Variants in DIP2C observed in about 807,000 individuals in gnomAD.
The protein encoded by DIP2C is disco-interacting protein 2 homolog C.
In DIP2C, 33 loss-of-function variants were observed where a neutral mutation model predicts 192.4. The observed-to-expected ratio is 0.17, with a 90% CI of 0.13 to 0.23. The LOEUF is 0.23. DIP2C is among the 10% of genes least tolerant of loss of function. The pLI is 1.00. For synonymous variants in DIP2C, 979 were observed against 864.1 expected, an observed-to-expected ratio of 1.13 and a Z score of -2.33; for missense variants, 1,537 against 2,110.1, an observed-to-expected ratio of 0.73 and a Z score of 5.32.
intron 1 of DIP2C, among the ~76,000 whole-genome samples, chr10:612,637 C>T (rs1302924333): frequency 6.6e-6 from 1 of 152,150 alleles, no homozygotes; most frequent in East Asian, 1.9e-4. Context: ...GATGGGATCC[C>T]AGGTTCCAAA....
intron 36 of DIP2C, among the ~76,000 whole-genome samples, chr10:280,373 T>A (rs1954751635): frequency 6.6e-6 from 1 of 152,186 alleles, no homozygotes; most frequent in African/African-American, 2.4e-5. Context: ...TGAGACCAGT[T>A]TCACCAGGTG....
chr10:496,983 G>A (rs1053360813), intron 1 of DIP2C, among the ~76,000 whole-genome samples: 5 of 152,170 alleles, frequency 3.3e-5, no homozygotes, highest in African/African-American at 9.7e-5. Flanking sequence ...AGTTAGCCAG[G>A]TGTGGTGGCG....
At chr10:613,188 C>G (rs370043490) in intron 1 of DIP2C, among the ~76,000 whole-genome samples, 6 of 152,182 alleles carry the variant, frequency 3.9e-5, no homozygotes, top group East Asian at 3.8e-4. Context: ...TTTTAAAATT[C>G]AGATTTCTAA....
chr10:581,971 G>A (rs141912365), intron 1 of DIP2C, among the ~76,000 whole-genome samples: 274 of 152,166 alleles, frequency 1.8e-3, no homozygotes, highest in African/African-American at 6.2e-3. Flanking sequence ...CCTCAGGTCA[G>A]GCATTGGATC....
intron 29 of DIP2C, among the ~76,000 whole-genome samples, chr10:331,128 T>TA (rs1400385796): frequency 6.6e-6 from 1 of 152,156 alleles, no homozygotes; most frequent in Non-Finnish European, 1.5e-5. Context: ...CGCAAAATTT[T>TA]ATCAGTGAAA....
chr10:388,726 G>A (rs763399276), intron 13 of DIP2C, among the ~76,000 whole-genome samples: 2 of 152,210 alleles, frequency 1.3e-5, no homozygotes, highest in East Asian at 1.9e-4. Flanking sequence ...TTATGAGGAT[G>A]GGCAGATAAT....
intron 17 of DIP2C, among the ~76,000 whole-genome samples, chr10:373,787 C>A (rs555597444): frequency 1.3e-5 from 2 of 152,276 alleles, no homozygotes; most frequent in East Asian, 3.9e-4. Context: ...AGAATATGTT[C>A]CACATGCTTC....
chr10:428,001 G>C (rs1966704620), intron 4 of DIP2C, among the ~76,000 whole-genome samples: 1 of 152,176 alleles, frequency 6.6e-6, no homozygotes, highest in African/African-American at 2.4e-5. Flanking sequence ...ATAGAGGAAA[G>C]AATGAATAAC....
chr10:503,336 T>G (rs1845382719), intron 1 of DIP2C, among the ~76,000 whole-genome samples: 1 of 152,150 alleles, frequency 6.6e-6, no homozygotes, highest in Non-Finnish European at 1.5e-5. Context: ...ACGTTCCAAT[T>G]TAAAAACTGG....
chr10:577,059 G>A (rs1270450841), intron 1 of DIP2C, among the ~76,000 whole-genome samples: 3 of 152,050 alleles, frequency 2.0e-5, no homozygotes, highest in Non-Finnish European at 4.4e-5. Context: ...TTCTAACACT[G>A]CTCAGCATGT....
At chr10:549,910 A>G (rs1848497476) in intron 1 of DIP2C, among the ~76,000 whole-genome samples, 1 of 151,846 alleles carries the variant, frequency 6.6e-6, no homozygotes, top group Non-Finnish European at 1.5e-5. Flanking sequence ...CTAGGAAGGG[A>G]GACTGTGTCT....
At chr10:353,200 T>G (rs1012015236) in intron 24 of DIP2C, among the ~76,000 whole-genome samples, 17 of 152,164 alleles carry the variant, frequency 1.1e-4, no homozygotes, top group African/African-American at 4.1e-4. Context: ...AGTCTGCCCT[T>G]GTCTAAGGAC....
chr10:483,810 T>G (rs1843798566), intron 2 of DIP2C, among the ~76,000 whole-genome samples: 2 of 151,918 alleles, frequency 1.3e-5, no homozygotes, highest in South Asian at 4.1e-4. Flanking sequence ...CCTCTATGAC[T>G]TCATTTTACC....
In DIP2C at chr10:384,271, CTTTTTTTTTTTT is replaced by C. The variant is rs35461394; in HGVS notation, c.1757-137_1757-126del. On this transcript the variant is annotated intron_variant, in intron 15 of 36. Transcript: ENST00000280886. ...CACTGGTCACCCAGCCCCCACAAAC[CTTTTTTTTTTTT>C]TTTTTTTTTTTTTTTTGTGATCTTG... 3.8e-4 allele frequency: 114 copies of C among 301,940 alleles called. No individual in the cohort carries two copies. The East Asian group carries it at 9.6e-3, about 25-fold the overall frequency. 18.7% of individuals were successfully genotyped at this position (301,940 alleles called of 1,614,324 possible).
In DIP2C at chr10:495,689, G is replaced by GC. The variant is rs1844778102; in HGVS notation, c.86-9160dup. ...CAAGTCCCTGATAGAAAATGGCTCAGCATTTACATAGAACCCACATGTGCC... is the reference window on the plus strand; with the variant it reads ...CAAGTCCCTGATAGAAAATGGCTCAGCCATTTACATAGAACCCACATGTGCC... On this transcript the variant is annotated intron_variant, in intron 1 of 36. Coordinates refer to ENST00000280886, the MANE Select transcript of DIP2C (RefSeq NM_014974.3). Among the ~76,000 whole-genome samples the GC allele has an allele frequency of 7.2e-5, 11 of 152,216 alleles. No homozygotes were observed. The East Asian group carries it at 2.1e-3, about 29-fold the overall frequency.
intron 1 of DIP2C, among the ~76,000 whole-genome samples, chr10:525,321 G>T (rs1234785315): frequency 2.0e-5 from 3 of 152,140 alleles, no homozygotes; most frequent in Non-Finnish European, 4.4e-5. Context: ...TCGGAATGTG[G>T]TTTCTGATAG....
At chr10:435,808 C>A (rs1429955583) in intron 4 of DIP2C, among the ~76,000 whole-genome samples, 2 of 152,074 alleles carry the variant, frequency 1.3e-5, no homozygotes, top group Admixed American at 6.6e-5. Context: ...ATTTTCTTTT[C>A]GTTCTTTGAC....
chr10:584,192 A>G (rs1219730540), intron 1 of DIP2C, among the ~76,000 whole-genome samples: 1 of 152,226 alleles, frequency 6.6e-6, no homozygotes, highest in Non-Finnish European at 1.5e-5. Flanking sequence ...CAGACAGGAA[A>G]AGAAAAATAT....
chr10:290,002 C>A (rs1184240368), intron 32 of DIP2C, among the ~76,000 whole-genome samples: 1 of 152,258 alleles, frequency 6.6e-6, no homozygotes, highest in African/African-American at 2.4e-5. Context: ...CCGGTTGCTG[C>A]AGACAGAAGC....
Sources: gnomAD v4.1 joint callset for allele counts (sites outside exome capture counted in the v4.1 genomes callset) on GRCh38, gnomAD v4.1.1 for gene constraint, MANE v1.5 for transcripts, NCBI Gene and HGNC (gene_info 2026-07-23, HGNC 2026-07-21) for gene names.